Variants in PPP1R42 observed in about 807,000 individuals in gnomAD.
The protein encoded by PPP1R42 is leucine rich repeat containing 67.
Under a neutral mutation model 31.0 loss-of-function variants are expected in PPP1R42, and 34 were observed. That is an observed-to-expected ratio of 1.10 (90% CI 0.83 to 1.46). The LOEUF is 1.46. Ranked by LOEUF, PPP1R42 falls within the 40% of genes most tolerant of loss-of-function variation. PPP1R42 has a pLI of 0.00. For synonymous variants in PPP1R42, 103 were observed against 109.8 expected, an observed-to-expected ratio of 0.94 and a Z score of 0.39; for missense variants, 268 against 303.0, an observed-to-expected ratio of 0.88 and a Z score of 0.86.
intron 7 of PPP1R42, among the ~76,000 whole-genome samples, chr8:66,972,569 T>A (rs1814565896): frequency 6.6e-6 from 1 of 152,212 alleles, no homozygotes; most frequent in Non-Finnish European, 1.5e-5. Flanking sequence ...TTTGTACTAT[T>A]AGTAGAGGCG....
intron 5 of PPP1R42, among the ~76,000 whole-genome samples, chr8:67,002,891 C>T (rs1289394926): frequency 2.1e-4 from 32 of 151,208 alleles, no homozygotes; most frequent in Admixed American, 9.9e-4. Flanking sequence ...TGGTGGCCCA[C>T]GCCTGTAATC....
intron 1 of PPP1R42, among the ~76,000 whole-genome samples, chr8:67,023,806 GTTT>G (rs553036503): frequency 6.9e-6 from 1 of 144,970 alleles, no homozygotes; most frequent in Non-Finnish European, 1.5e-5. Flanking sequence ...TCTGCTGTAA[GTTT>G]TTTTTTTTTA....
chr8:67,008,223 G>A (rs1815743346), intron 5 of PPP1R42, among the ~76,000 whole-genome samples: 1 of 152,046 alleles, frequency 6.6e-6, no homozygotes, highest in Non-Finnish European at 1.5e-5. Context: ...CTTTATCATA[G>A]ATATGTACAT....
intron 6 of PPP1R42, chr8:66,984,624 C>CTTA: frequency 7.7e-7 from 1 of 1,295,058 alleles, no homozygotes. Flanking sequence ...TGTGAAATGT[C>CTTA]TTAAGCTTTT....
At chr8:67,006,412 C>A (rs1052283229) in intron 5 of PPP1R42, among the ~76,000 whole-genome samples, 3 of 152,174 alleles carry the variant, frequency 2.0e-5, no homozygotes, top group African/African-American at 7.2e-5. Context: ...CAGTCTTGCA[C>A]TTTGGGACAA....
At position 67,028,497 on chromosome 8, in the gene PPP1R42, C is replaced by T; in HGVS notation, c.-91G>A. The T allele has an allele frequency of 1.0e-6, 1 of 985,512 alleles. No homozygotes were observed. Among genetic ancestry groups the T allele is most frequent in the Non-Finnish European group, 1.2e-6 (1 of 829,956 alleles). The allele number at this position is 985,512 out of a possible 1,614,324, so 61.0% of individuals were successfully genotyped here. The stretch of plus-strand genomic sequence containing the variant: ...TTCCCCGCGGGCAGCTCACCGCTCG[C>T]GGGACAGTCCGGTAGCTAACTCCAG... On this transcript the variant is annotated 5_prime_UTR_variant, in exon 1 of 8. Coordinates refer to ENST00000685739, the MANE Select transcript of PPP1R42 (RefSeq NM_001364910.1).
chr8:66,967,330 A>G (rs1367546942), intron 7 of PPP1R42, among the ~76,000 whole-genome samples: 1 of 152,180 alleles, frequency 6.6e-6, no homozygotes, highest in Non-Finnish European at 1.5e-5. Flanking sequence ...AGGGGGGACT[A>G]CCATAATTTC....
intron 5 of PPP1R42, among the ~76,000 whole-genome samples, chr8:66,988,885 C>T (rs1815106003): frequency 6.6e-6 from 1 of 151,662 alleles, no homozygotes; most frequent in Non-Finnish European, 1.5e-5. Context: ...GTAAGCAGTC[C>T]CTGGTGATTG....
chr8:66,969,197 A>G (rs1005977634), intron 7 of PPP1R42, among the ~76,000 whole-genome samples: 4 of 152,230 alleles, frequency 2.6e-5, no homozygotes, highest in African/African-American at 9.6e-5. Flanking sequence ...TGATCTAACA[A>G]TGCACGTGGC....
intron 2 of PPP1R42, among the ~76,000 whole-genome samples, chr8:67,015,943 ATT>A (rs1009560130): frequency 1.3e-5 from 2 of 152,212 alleles, no homozygotes; most frequent in Non-Finnish European, 2.9e-5. Flanking sequence ...ACTTTAACCA[ATT>A]TGCCTTCCTT....
intron 5 of PPP1R42, among the ~76,000 whole-genome samples, chr8:67,009,585 T>A (rs1017821686): frequency 6.6e-6 from 1 of 151,786 alleles, no homozygotes; most frequent in Non-Finnish European, 1.5e-5. Context: ...AAAAAAAAAA[T>A]GTAAAATATA....
chr8:67,017,398 G>A (rs979593202), intron 2 of PPP1R42, among the ~76,000 whole-genome samples: 1 of 152,096 alleles, frequency 6.6e-6, no homozygotes, highest in African/African-American at 2.4e-5. Flanking sequence ...GTAGGCTGAG[G>A]TACAAGAGTC....
intron 1 of PPP1R42, among the ~76,000 whole-genome samples, chr8:67,023,017 G>A (rs955011411): frequency 5.9e-5 from 9 of 151,842 alleles, no homozygotes; most frequent in East Asian, 5.8e-4. Context: ...CCATGAGTAC[G>A]GTAAGTCTCT....
chr8:66,984,988 C>A (rs544665673), intron 6 of PPP1R42: 2 of 1,552,314 alleles, frequency 1.3e-6, no homozygotes, highest in South Asian at 2.2e-5. Flanking sequence ...ATTTGTGATT[C>A]CAAAATAATC....
intron 5 of PPP1R42, among the ~76,000 whole-genome samples, chr8:66,993,329 C>T (rs1057417374): frequency 1.3e-5 from 2 of 152,208 alleles, no homozygotes; most frequent in African/African-American, 4.8e-5. Flanking sequence ...CGCTAATCTC[C>T]AGTTACTTCA....
intron 5 of PPP1R42, 86 bp from the exon 6 acceptor site, chr8:66,988,603 T>C: frequency 1.6e-6 from 2 of 1,248,242 alleles, no homozygotes; most frequent in African/African-American, 3.1e-5. Context: ...TTAAAGGTAA[T>C]TACTGCTTTC....
intron 7 of PPP1R42, chr8:66,970,728 A>C (rs181539984): frequency 4.2e-6 from 2 of 478,522 alleles, no homozygotes; most frequent in South Asian, 3.2e-5. Context: ...GGAGTCTCCT[A>C]CCTTACCTCA....
At chr8:66,978,054 T>C (rs7824775) in intron 7 of PPP1R42, among the ~76,000 whole-genome samples, 18,744 of 152,170 alleles carry the variant, frequency 0.12, 2,262 homozygotes, top group African/African-American at 0.31. Context: ...TTCTCTGCAT[T>C]CTCACCAGCT....
At chr8:66,969,493 C>T (rs566823664) in intron 7 of PPP1R42, among the ~76,000 whole-genome samples, 142 of 152,256 alleles carry the variant, frequency 9.3e-4, no homozygotes, top group Middle Eastern at 6.8e-3. Flanking sequence ...AAGACCAAAA[C>T]GAGGACTCCC....
Sources: gnomAD v4.1 joint callset for allele counts (sites outside exome capture counted in the v4.1 genomes callset) on GRCh38, gnomAD v4.1.1 for gene constraint, MANE v1.5 for transcripts, NCBI Gene and HGNC (gene_info 2026-07-23, HGNC 2026-07-21) for gene names.